Variants in CPED1 observed in about 807,000 individuals in gnomAD.
CPED1 encodes the protein cadherin like and PC-esterase domain containing 1, also known as cadherin-like and PC-esterase domain-containing protein 1.
In CPED1, 114 loss-of-function variants were observed where a neutral mutation model predicts 128.2. The observed-to-expected ratio is 0.89, with a 90% CI of 0.76 to 1.04. CPED1 has a LOEUF of 1.04. CPED1 is among the 50% of genes least tolerant of loss of function. The pLI, the probability that CPED1 is intolerant of heterozygous loss-of-function variation, is 0.00. For synonymous variants in CPED1, 462 were observed against 426.7 expected, an observed-to-expected ratio of 1.08 and a Z score of -1.02; for missense variants, 1,211 against 1,207.1, an observed-to-expected ratio of 1.00 and a Z score of -0.05.
At chr7:121,201,467 A>G (rs1022861705) in intron 16 of CPED1, among the ~76,000 whole-genome samples, 4 of 90,122 alleles carry the variant, frequency 4.4e-5, no homozygotes, top group Non-Finnish European at 7.0e-5. Context: ...AGAGGGAGAG[A>G]GAGGGAGAGT....
chr7:120,999,803 A>C (rs978942877), intron 2 of CPED1, among the ~76,000 whole-genome samples: 38 of 152,192 alleles, frequency 2.5e-4, no homozygotes, highest in Non-Finnish European at 7.4e-5. Context: ...TGGGTGAAAA[A>C]TTGCTCATAC....
intron 3 of CPED1, among the ~76,000 whole-genome samples, chr7:121,030,148 C>T (rs1294688416): frequency 6.6e-6 from 1 of 152,086 alleles, no homozygotes; most frequent in Non-Finnish European, 1.5e-5. Flanking sequence ...CACACATGCA[C>T]ACACAGACAC....
intron 3 of CPED1, among the ~76,000 whole-genome samples, chr7:121,028,803 A>C (rs1052015123): frequency 6.6e-6 from 1 of 152,222 alleles, no homozygotes; most frequent in Non-Finnish European, 1.5e-5. Context: ...TTTAAGGTCC[A>C]TTCCATTTGG....
At chr7:121,209,478 C>A (rs1374678109) in intron 16 of CPED1, among the ~76,000 whole-genome samples, 1 of 151,962 alleles carries the variant, frequency 6.6e-6, no homozygotes, top group East Asian at 1.9e-4. Flanking sequence ...TGTGGAACAT[C>A]TTACTATTGA....
intron 22 of CPED1, among the ~76,000 whole-genome samples, chr7:121,284,113 G>C (rs1410066973): frequency 1.3e-5 from 2 of 152,128 alleles, no homozygotes; most frequent in East Asian, 3.8e-4. Context: ...CTTACAACTG[G>C]CAAAAGGGGA....
At chr7:121,266,474 C>T in intron 19 of CPED1, 27 bp downstream of exon 19, 1 of 1,545,534 alleles carries the variant, frequency 6.5e-7, no homozygotes, top group South Asian at 1.1e-5. Flanking sequence ...ATGAAAGACA[C>T]AAAACCCACA....
At chr7:121,220,724 T>C (rs1291964944) in intron 16 of CPED1, among the ~76,000 whole-genome samples, 2 of 152,044 alleles carry the variant, frequency 1.3e-5, no homozygotes, top group Non-Finnish European at 2.9e-5. Flanking sequence ...TATTGAAGCA[T>C]GTAAAATAAA....
rs368502123 is a variant in CPED1, at chr7:121,063,381, G to GAAAAAAAAAAAA, written c.541-847_541-836dup. 2.6e-3 allele frequency among the ~76,000 whole-genome samples: 173 copies of GAAAAAAAAAAAA among 66,982 alleles called. 1 individual carries two copies. Among genetic ancestry groups the GAAAAAAAAAAAA allele is most frequent in the Non-Finnish European group, 3.1e-3 (123 of 39,082 alleles). 43.9% of individuals were successfully genotyped at this position (66,982 alleles called of 152,430 possible). ...GCTTTATTTTGCAAATGAAGAAACT[G>GAAAAAAAAAAAA]AAAAAAAAAAAAAAAAAAAAAGCAA... On this transcript the variant is annotated intron_variant, in intron 4 of 22. Coordinates refer to ENST00000310396, the MANE Select transcript of CPED1 (RefSeq NM_024913.5).
intron 16 of CPED1, among the ~76,000 whole-genome samples, chr7:121,220,832 T>TA (rs1370656830): frequency 6.6e-6 from 1 of 152,008 alleles, no homozygotes; most frequent in Non-Finnish European, 1.5e-5. Flanking sequence ...TTCCAGAACT[T>TA]ACGTGTTCAC....
intron 5 of CPED1, among the ~76,000 whole-genome samples, chr7:121,064,523 G>A (rs1222365198): frequency 6.6e-6 from 1 of 152,130 alleles, no homozygotes; most frequent in Non-Finnish European, 1.5e-5. Flanking sequence ...TGTTCTTTTA[G>A]TTTTGCCTTC....
At chr7:121,252,190 C>A (rs1205635675) in intron 18 of CPED1, among the ~76,000 whole-genome samples, 2 of 151,204 alleles carry the variant, frequency 1.3e-5, no homozygotes, top group African/African-American at 4.9e-5. Context: ...CTTTGACAAA[C>A]CTGACAAAAA....
At chr7:121,177,941 A>G (rs1003993790) in intron 16 of CPED1, among the ~76,000 whole-genome samples, 1 of 152,088 alleles carries the variant, frequency 6.6e-6, no homozygotes, top group Admixed American at 6.6e-5. Flanking sequence ...TCTAGGATTT[A>G]ATCCCTTATT....
intron 2 of CPED1, among the ~76,000 whole-genome samples, chr7:120,999,229 C>T (rs140282147): frequency 1.3e-5 from 2 of 152,162 alleles, no homozygotes; most frequent in Middle Eastern, 3.2e-3. Context: ...ATCCCTTGAT[C>T]TCTTTACTGT....
At chr7:121,270,333 A>C (rs1482846690) in intron 21 of CPED1, among the ~76,000 whole-genome samples, 1 of 151,838 alleles carries the variant, frequency 6.6e-6, no homozygotes, top group African/African-American at 2.4e-5. Context: ...CATTCTGTAG[A>C]TTGTCTGTTT....
intron 7 of CPED1, among the ~76,000 whole-genome samples, chr7:121,100,385 G>A (rs990098006): frequency 3.9e-5 from 6 of 152,014 alleles, no homozygotes; most frequent in African/African-American, 1.4e-4. Context: ...GCTATACTCT[G>A]TTTTTCTTAA....
At position 121,271,583 on chromosome 7, in the gene CPED1, G is replaced by A. The variant is rs145885755; in HGVS notation, c.2868+153G>A. ...ATATGTTCATCATCATTCAGCCAAG[G>A]CATGTAGTAACCACAACTTTAGCTC... is the stretch of plus-strand genomic sequence containing the variant. On this transcript the variant is annotated intron_variant, in intron 22 of 22. Transcript: ENST00000310396. 8.3e-4 allele frequency among the ~76,000 whole-genome samples: 126 copies of A among 152,222 alleles called. 3 individuals carry two copies. In the East Asian group the frequency reaches 0.022, roughly 26 times the overall value.
intron 4 of CPED1, chr7:121,050,869 GGCCTGCAGGCA>G (rs776040797): frequency 4.2e-6 from 2 of 475,116 alleles, no homozygotes; most frequent in African/African-American, 4.0e-5. Context: ...GGTACGATGA[GGCCTGCAGGCA>G]CCTGGCACGC....
intron 5 of CPED1, among the ~76,000 whole-genome samples, chr7:121,068,474 A>C (rs1335332713): frequency 6.6e-6 from 1 of 151,596 alleles, no homozygotes; most frequent in African/African-American, 2.4e-5. Flanking sequence ...ATTGGTCTAT[A>C]TCTCTGTTTT....
intron 12 of CPED1, among the ~76,000 whole-genome samples, chr7:121,131,167 A>G (rs1010283221): frequency 6.6e-6 from 1 of 152,130 alleles, no homozygotes; most frequent in Non-Finnish European, 1.5e-5. Flanking sequence ...TGCTAAGGAT[A>G]TAGTGAAAAC....
Sources: allele counts gnomAD v4.1 joint callset (sites outside exome capture counted in the v4.1 genomes callset), GRCh38; gene constraint gnomAD v4.1.1; transcripts MANE v1.5; gene names NCBI Gene and HGNC (gene_info 2026-07-23, HGNC 2026-07-21).